C10orf90: variants seen among roughly 807,000 people sequenced by gnomAD.
C10orf90 encodes (E2-independent) E3 ubiquitin-conjugating enzyme FATS.
C10orf90 carries 56 observed loss-of-function variants against 62.5 expected under a neutral mutation model. The observed-to-expected ratio is 0.90, with a 90% CI of 0.72 to 1.12. The LOEUF (loss-of-function observed/expected upper bound fraction) is 1.12, where lower values mean the gene tolerates loss of function less well. C10orf90 is among the 50% of genes most tolerant of loss of function. The pLI is 0.00. For missense variants in C10orf90, 970 were observed against 880.4 expected (o/e 1.10, Z -1.29); for synonymous variants, 386 against 340.4 (o/e 1.13, Z -1.47).
intron 2 of C10orf90, among the ~76,000 whole-genome samples, chr10:126,583,691 C>T (rs1042516182): frequency 1.3e-5 from 2 of 152,178 alleles, no homozygotes; most frequent in Admixed American, 1.3e-4. Flanking sequence ...TGTCCGGAGT[C>T]TCTCTGCTTA....
chr10:126,514,984 G>A (rs1377041352), intron 2 of C10orf90, among the ~76,000 whole-genome samples: 2 of 152,222 alleles, frequency 1.3e-5, no homozygotes, highest in South Asian at 4.1e-4. Context: ...TGTAATAAAT[G>A]GCTCCCCAAC....
Position 126,504,925 on chromosome 10 carries a change from C to T in C10orf90, c.566G>A (p.Ser189Asn). Residue 189 changes from serine (S) to asparagine (N), a missense_variant, in exon 4 of 10, where the codon AGC becomes AAC. Transcript: ENST00000488181. The surrounding 1 kb of genome is among the most constrained non-coding windows in gnomAD (Gnocchi z 4.1). ...AAATGCTCTGTGAATGTTGACTCCGCTGCGGTTAGCCAGAGATTGCTTGGC... is the reference window on the plus strand; with the variant it reads ...AAATGCTCTGTGAATGTTGACTCCGTTGCGGTTAGCCAGAGATTGCTTGGC... Reference protein sequence around the residue: ...HHAKQSLANRSGVNIHRAFAL... With the variant: ...HHAKQSLANRNGVNIHRAFAL... 6.2e-7 allele frequency: 1 copy of T among 1,614,248 alleles called. No individual in the cohort carries two copies. Among genetic ancestry groups the T allele is most frequent in the East Asian group, 2.2e-5 (1 of 44,874 alleles).
chr10:126,446,294 T>A (rs1038576078), intron 7 of C10orf90, among the ~76,000 whole-genome samples: 1 of 152,060 alleles, frequency 6.6e-6, no homozygotes, highest in African/African-American at 2.4e-5. Flanking sequence ...AGGTTTCTAA[T>A]CATATTCAAC....
At chr10:126,608,036 A>G (rs565045292) in intron 2 of C10orf90, among the ~76,000 whole-genome samples, 5 of 152,306 alleles carry the variant, frequency 3.3e-5, no homozygotes, top group Admixed American at 1.3e-4. Context: ...GTTTTCCAAG[A>G]CGAAACGAGT....
intron 2 of C10orf90, chr10:126,522,782 A>C (rs1314502476): frequency 1.3e-5 from 2 of 152,220 alleles, no homozygotes; most frequent in African/African-American, 4.8e-5. Context: ...TAATCACTGT[A>C]CATGATTAGG....
intron 1 of C10orf90, among the ~76,000 whole-genome samples, chr10:126,667,153 G>A (rs985318111): frequency 1.4e-4 from 21 of 151,714 alleles, no homozygotes; most frequent in African/African-American, 4.6e-4. Context: ...CTGCCTCCCA[G>A]ATTCATGCCA....
intron 2 of C10orf90, among the ~76,000 whole-genome samples, chr10:126,576,659 GTATACATATATAT>G (rs1591113811): frequency 0.062 from 5,830 of 93,468 alleles, 1,295 homozygotes; most frequent in African/African-American, 0.1. Context: ...GCCAAGATAT[GTATACATATATAT>G]GTATACATAT....
chr10:126,554,093 C>T (rs180834564), intron 2 of C10orf90, among the ~76,000 whole-genome samples: 166 of 152,064 alleles, frequency 1.1e-3, no homozygotes, highest in African/African-American at 3.8e-3. Context: ...TTTGTGGCAG[C>T]TTTGTTCATA....
At chr10:126,564,707 T>A (rs1481000177) in intron 2 of C10orf90, among the ~76,000 whole-genome samples, 1 of 144,270 alleles carries the variant, frequency 6.9e-6, no homozygotes, top group Non-Finnish European at 1.5e-5. Flanking sequence ...CTCCTACATA[T>A]GTGTGGCCTG....
intron 2 of C10orf90, among the ~76,000 whole-genome samples, chr10:126,605,896 C>T (rs1284200775): frequency 6.6e-6 from 1 of 152,102 alleles, no homozygotes; most frequent in East Asian, 1.9e-4. Context: ...TACATACATA[C>T]ATACATACAT....
intron 1 of C10orf90, among the ~76,000 whole-genome samples, chr10:126,663,317 G>A (rs1469924667): frequency 6.6e-6 from 1 of 152,162 alleles, no homozygotes; most frequent in Non-Finnish European, 1.5e-5. Context: ...GGTTCTAGCT[G>A]TTGTTGTCAG....
At chr10:126,584,093 C>A (rs550290558) in intron 2 of C10orf90, among the ~76,000 whole-genome samples, 1 of 152,264 alleles carries the variant, frequency 6.6e-6, no homozygotes, top group East Asian at 1.9e-4. Context: ...GCCCTCCAGC[C>A]TGGGTGACAG....
intron 2 of C10orf90, among the ~76,000 whole-genome samples, chr10:126,556,049 A>C (rs979192453): frequency 6.6e-6 from 1 of 152,176 alleles, no homozygotes; most frequent in African/African-American, 2.4e-5. Context: ...TTGGTGAAAA[A>C]TGTCTGGCCT....
intron 2 of C10orf90, among the ~76,000 whole-genome samples, chr10:126,535,879 G>A (rs932393903): frequency 2.6e-5 from 4 of 152,174 alleles, no homozygotes; most frequent in Admixed American, 1.3e-4. Flanking sequence ...GTGCGCACTG[G>A]AATCCCTGCT....
Position 126,504,709 on chromosome 10 carries a change from C to T in C10orf90, c.782G>A (p.Cys261Tyr). 1 of 1,610,336 alleles carries T rather than the reference C, an allele frequency of 6.2e-7. No individual in the cohort carries two copies. Among genetic ancestry groups the T allele is most frequent in the Non-Finnish European group, 8.5e-7 (1 of 1,177,754 alleles). ...TGTGTCCTCAGCCCTGCACTTGGGG[C>T]ACAGAGAGTCCCCAGCAGTCCCCCA... ...LVWGTAGDSLCPKCRAEDTLF... is the reference protein window; with the variant it reads ...LVWGTAGDSLYPKCRAEDTLF... Residue 261 changes from cysteine (C) to tyrosine (Y), a missense_variant, in exon 4 of 10, where the codon TGC (cysteine) becomes TAC (tyrosine). By Grantham distance (194) the Cys-to-Tyr change is radical. Coordinates refer to ENST00000488181, the MANE Select transcript of C10orf90 (RefSeq NM_001350921.2). The surrounding 1 kb of genome is among the most constrained non-coding windows in gnomAD (Gnocchi z 4.1).
At chr10:126,565,207 G>A (rs1462381341) in intron 2 of C10orf90, among the ~76,000 whole-genome samples, 1 of 54,906 alleles carries the variant, frequency 1.8e-5, no homozygotes, top group African/African-American at 6.4e-5. Context: ...TACATATTAT[G>A]TAATATAATT....
At chr10:126,537,494 C>T (rs926924746) in intron 2 of C10orf90, among the ~76,000 whole-genome samples, 4 of 152,188 alleles carry the variant, frequency 2.6e-5, no homozygotes, top group Admixed American at 6.5e-5. Context: ...AAGTAAAGAG[C>T]TGCCCGGGGA....
At chr10:126,542,684 C>T (rs1403314620) in intron 2 of C10orf90, among the ~76,000 whole-genome samples, 1 of 152,078 alleles carries the variant, frequency 6.6e-6, no homozygotes, top group African/African-American at 2.4e-5. Context: ...GATACTCTGT[C>T]TTTTCTTTAG....
At chr10:126,548,538 T>A (rs2133974831) in intron 2 of C10orf90, among the ~76,000 whole-genome samples, 1 of 152,310 alleles carries the variant, frequency 6.6e-6, no homozygotes, top group African/African-American at 2.4e-5. Context: ...AGCTAATTTT[T>A]GTATTTTTAG....
Sources: gnomAD v4.1 joint callset for allele counts (sites outside exome capture counted in the v4.1 genomes callset) on GRCh38, gnomAD v4.1.1 for gene constraint, Gnocchi (gnomAD v3.1) non-coding constraint, MANE v1.5 for transcripts, NCBI Gene and HGNC (gene_info 2026-07-23, HGNC 2026-07-21) for gene names.